Variants in PLCB1 observed in about 807,000 individuals in gnomAD.
PLCB1 encodes the protein phospholipase C beta 1, also known as 1-phosphatidylinositol 4,5-bisphosphate phosphodiesterase beta-1.
A neutral mutation model predicts 161.8 loss-of-function variants in PLCB1; 46 were observed. The ratio of observed to expected loss-of-function variants is 0.28; its 90% CI spans 0.22 to 0.36. PLCB1 has a LOEUF of 0.36. Ranked by LOEUF, PLCB1 falls within the 10% of genes least tolerant of loss-of-function variation. The pLI, the probability that PLCB1 is intolerant of heterozygous loss-of-function variation, is 1.00. For missense variants in PLCB1, 1,016 were observed against 1,472.5 expected, an observed-to-expected ratio of 0.69 and a Z score of 5.07; for synonymous variants, 517 against 503.7, an observed-to-expected ratio of 1.03 and a Z score of -0.35.
chr20:8,618,258 A>G lies in PLCB1; in HGVS notation c.247-10036A>G, dbSNP rs1324078234. Among the ~76,000 whole-genome samples, 7 of 152,358 alleles carry G rather than the reference A, an allele frequency of 4.6e-5. No homozygotes were observed. The South Asian group carries it at 1.2e-3, about 27-fold the overall frequency. Reference sequence around the variant, plus strand: ...CCTAAAAATTAATCAGTGCAGGCCAACAACTAAAAGAAGTGACTAATGTCC... The same window carrying G: ...CCTAAAAATTAATCAGTGCAGGCCAGCAACTAAAAGAAGTGACTAATGTCC... On this transcript the variant is annotated intron_variant, in intron 3 of 31. Transcript: ENST00000338037.
intron 19 of PLCB1, among the ~76,000 whole-genome samples, chr20:8,735,961 C>T (rs1030495100): frequency 6.6e-6 from 1 of 152,326 alleles, no homozygotes; most frequent in South Asian, 2.1e-4. Flanking sequence ...CCTTTGATAG[C>T]TATTCTCATG....
chr20:8,402,997 G>C (rs1356901913), intron 3 of PLCB1, among the ~76,000 whole-genome samples: 1 of 151,406 alleles, frequency 6.6e-6, no homozygotes, highest in African/African-American at 2.4e-5. Flanking sequence ...TTGATGACTT[G>C]GTAAAATTCT....
In PLCB1 at chr20:8,801,716, G is replaced by GTTTGT. The variant is rs1481037214; in HGVS notation, c.3423+11456_3423+11457insTTGTT. ...TGTGTTGTTCACTGAACAAACAGCTGTCAATCATTCATCACTATCTTTTCT... is the reference window on the plus strand; with the variant it reads ...TGTGTTGTTCACTGAACAAACAGCTGTTTGTTCAATCATTCATCACTATCTTTTCT... On this transcript the variant is annotated intron_variant, in intron 31 of 31. Transcript: ENST00000338037. Among the ~76,000 whole-genome samples, 12 of 152,192 alleles carry GTTTGT rather than the reference G, an allele frequency of 7.9e-5. No homozygotes were observed. The South Asian group carries it at 2.5e-3, about 32-fold the overall frequency.
At chr20:8,458,247 T>G (rs1981416406) in intron 3 of PLCB1, among the ~76,000 whole-genome samples, 1 of 152,208 alleles carries the variant, frequency 6.6e-6, no homozygotes, top group African/African-American at 2.4e-5. Context: ...GTGGTTTGGC[T>G]TCCAGCTGGT....
At chr20:8,268,136 G>A (rs1465175414) in intron 2 of PLCB1, among the ~76,000 whole-genome samples, 3 of 151,678 alleles carry the variant, frequency 2.0e-5, no homozygotes, top group Non-Finnish European at 4.4e-5. Context: ...CTCATGACCG[G>A]CCCCGGTGTG....
chr20:8,755,405 G>C (rs2123558840), intron 23 of PLCB1, among the ~76,000 whole-genome samples: 1 of 152,296 alleles, frequency 6.6e-6, no homozygotes, highest in Middle Eastern at 3.4e-3. Context: ...TTTAAAATGT[G>C]CTACAAAGTA....
At chr20:8,782,600 C>A (rs1277790047) in intron 27 of PLCB1, among the ~76,000 whole-genome samples, 1 of 152,138 alleles carries the variant, frequency 6.6e-6, no homozygotes. Flanking sequence ...CTATGTTGCC[C>A]AGGTTGGTCT....
intron 31 of PLCB1, among the ~76,000 whole-genome samples, chr20:8,858,997 G>A (rs897564223): frequency 3.9e-5 from 6 of 151,950 alleles, no homozygotes; most frequent in African/African-American, 1.2e-4. Context: ...TTGTTTGGAG[G>A]GATAAGATAA....
At chr20:8,875,410 G>T (rs1158447378) in intron 31 of PLCB1, among the ~76,000 whole-genome samples, 1 of 146,504 alleles carries the variant, frequency 6.8e-6, no homozygotes, top group African/African-American at 2.5e-5. Flanking sequence ...ACTATACGTA[G>T]TATATATAAT....
At chr20:8,182,883 A>T (rs1044515410) in intron 2 of PLCB1, among the ~76,000 whole-genome samples, 73 of 152,212 alleles carry the variant, frequency 4.8e-4, no homozygotes, top group African/African-American at 1.4e-3. Context: ...GCCTGGCTGC[A>T]CAGTTGATTA....
chr20:8,576,662 C>T (rs1039638625), intron 3 of PLCB1, among the ~76,000 whole-genome samples: 26 of 152,180 alleles, frequency 1.7e-4, no homozygotes, highest in Admixed American at 1.7e-3. Flanking sequence ...ACTCATCTCT[C>T]TTTCCAAAGG....
intron 31 of PLCB1, among the ~76,000 whole-genome samples, chr20:8,843,656 A>G (rs559801624): frequency 7.9e-5 from 12 of 152,178 alleles, no homozygotes; most frequent in African/African-American, 2.6e-4. Flanking sequence ...AAATAATGAG[A>G]AAGAATAAAG....
At chr20:8,389,272 C>T (rs1235323244) in intron 3 of PLCB1, among the ~76,000 whole-genome samples, 1 of 152,190 alleles carries the variant, frequency 6.6e-6, no homozygotes, top group African/African-American at 2.4e-5. Flanking sequence ...TTGTAAAATA[C>T]AGTGAACTGC....
At chr20:8,455,458 G>T (rs868150463) in intron 3 of PLCB1, among the ~76,000 whole-genome samples, 691 of 22,646 alleles carry the variant, frequency 0.031, 6 homozygotes, top group African/African-American at 0.097. Context: ...TTTTTTTTTT[G>T]GAGACGGAGT....
At chr20:8,851,788 G>A (rs1324024187) in intron 31 of PLCB1, among the ~76,000 whole-genome samples, 1 of 149,830 alleles carries the variant, frequency 6.7e-6, no homozygotes, top group Non-Finnish European at 1.5e-5. Flanking sequence ...AAAAGTAAGA[G>A]AATCTTTCTA....
At chr20:8,845,827 T>G (rs1986672023) in intron 31 of PLCB1, among the ~76,000 whole-genome samples, 1 of 152,256 alleles carries the variant, frequency 6.6e-6, no homozygotes, top group African/African-American at 2.4e-5. Context: ...TTCACATATT[T>G]AATGCATTAC....
chr20:8,518,071 A>G (rs921521610), intron 3 of PLCB1, among the ~76,000 whole-genome samples: 1 of 152,032 alleles, frequency 6.6e-6, no homozygotes, highest in Middle Eastern at 3.4e-3. Context: ...AGTCCCAGCT[A>G]CTCAGGAGGC....
intron 26 of PLCB1, among the ~76,000 whole-genome samples, chr20:8,773,755 C>G (rs1046358098): frequency 1.3e-5 from 2 of 152,136 alleles, no homozygotes; most frequent in African/African-American, 4.8e-5. Context: ...GGGCAGATCA[C>G]TTGAGGTCAA....
intron 3 of PLCB1, among the ~76,000 whole-genome samples, chr20:8,596,098 T>G (rs1488426593): frequency 2.0e-5 from 3 of 151,982 alleles, no homozygotes; most frequent in South Asian, 2.1e-4. Flanking sequence ...AGAAGCTCTT[T>G]AGTTTAATTA....
Sources: gnomAD v4.1 joint callset for allele counts (sites outside exome capture counted in the v4.1 genomes callset) on GRCh38, gnomAD v4.1.1 for gene constraint, MANE v1.5 for transcripts, NCBI Gene and HGNC (gene_info 2026-07-23, HGNC 2026-07-21) for gene names.